The following PLD1 variants were observed in gnomAD, a reference collection of about 807,000 sequenced individuals.
PLD1 encodes the protein choline phosphatase 1.
A neutral mutation model predicts 137.1 loss-of-function variants in PLD1; 112 were observed. The ratio of observed to expected loss-of-function variants is 0.82; its 90% confidence interval spans 0.70 to 0.96. The LOEUF is 0.96. Among genes scored for constraint, PLD1 ranks in the 40% least tolerant of loss-of-function variants. PLD1 has a pLI of 0.00. For synonymous variants in PLD1, 431 were observed against 454.7 expected (o/e 0.95, Z 0.66); for missense variants, 1,321 against 1,342.0 (o/e 0.98, Z 0.24).
intron 23 of PLD1, among the ~76,000 whole-genome samples, chr3:171,639,850 A>C (rs71308517): frequency 0.085 from 8,453 of 99,086 alleles, 285 homozygotes; most frequent in Middle Eastern, 0.15. Flanking sequence ...CTCTCTCTCT[A>C]TATATATATA....
chr3:171,671,899 A>G (rs565212875), intron 19 of PLD1, among the ~76,000 whole-genome samples: 4 of 151,694 alleles, frequency 2.6e-5, no homozygotes, highest in East Asian at 3.9e-4. Flanking sequence ...TTCTTGCCCA[A>G]TCGAAAAAAA....
chr3:171,746,223 C>T (rs149112579), intron 1 of PLD1, among the ~76,000 whole-genome samples: 4 of 152,222 alleles, frequency 2.6e-5, no homozygotes, highest in African/African-American at 7.2e-5. Context: ...TGCTCCACAG[C>T]ACCTGGTACC....
At chr3:171,715,837 G>T (rs1578342548) in intron 8 of PLD1, among the ~76,000 whole-genome samples, 1 of 151,876 alleles carries the variant, frequency 6.6e-6, no homozygotes, top group African/African-American at 2.4e-5. Flanking sequence ...GTGTCACAGG[G>T]GTTTGGTGTA....
intron 9 of PLD1, among the ~76,000 whole-genome samples, chr3:171,713,375 C>T (rs1044350372): frequency 6.6e-6 from 1 of 152,108 alleles, no homozygotes; most frequent in African/African-American, 2.4e-5. Context: ...GTGGGAGAAT[C>T]GCTTGAACCT....
intron 1 of PLD1, among the ~76,000 whole-genome samples, chr3:171,807,499 C>G (rs951505205): frequency 1.3e-5 from 2 of 152,070 alleles, no homozygotes; most frequent in African/African-American, 4.8e-5. Flanking sequence ...TACATGTACA[C>G]TTAAAAATGG....
intron 20 of PLD1, 51 bp from the exon 21 acceptor site, chr3:171,659,352 A>G: frequency 8.8e-7 from 1 of 1,138,034 alleles, no homozygotes; most frequent in Non-Finnish European, 1.3e-6. Flanking sequence ...TCTTAGCAAT[A>G]TACGTAAGAA....
At chr3:171,668,407 C>T (rs543551416) in intron 19 of PLD1, among the ~76,000 whole-genome samples, 3 of 152,332 alleles carry the variant, frequency 2.0e-5, no homozygotes, top group South Asian at 4.1e-4. Flanking sequence ...GGATACAAAA[C>T]ATTTTGCTGT....
chr3:171,658,745 C>T (rs1354721552), intron 21 of PLD1, among the ~76,000 whole-genome samples: 1 of 151,764 alleles, frequency 6.6e-6, no homozygotes, highest in Non-Finnish European at 1.5e-5. Context: ...TGTGAATACA[C>T]TAAAAATCAC....
At chr3:171,638,284 C>T (rs557981738) in intron 23 of PLD1, among the ~76,000 whole-genome samples, 2 of 150,044 alleles carry the variant, frequency 1.3e-5, no homozygotes, top group South Asian at 4.3e-4. Flanking sequence ...AAGGTCTAAA[C>T]TATTACTGTA....
At chr3:171,790,092 T>A (rs1723157694) in intron 1 of PLD1, 1 of 152,240 alleles carries the variant, frequency 6.6e-6, no homozygotes, top group African/African-American at 2.4e-5. Context: ...AGGTATGTAA[T>A]CAGTTGATTT....
intron 25 of PLD1, among the ~76,000 whole-genome samples, chr3:171,609,070 G>T (rs1314842836): frequency 6.6e-6 from 1 of 151,920 alleles, no homozygotes. Flanking sequence ...ATTAAAAAGT[G>T]GGCAAAAGAC....
intron 1 of PLD1, among the ~76,000 whole-genome samples, chr3:171,801,412 G>A (rs1390972347): frequency 6.6e-6 from 1 of 152,150 alleles, no homozygotes; most frequent in Non-Finnish European, 1.5e-5. Flanking sequence ...ATGCGTTTCT[G>A]GCATGCCTTT....
At chr3:171,687,707 A>G in intron 14 of PLD1, 123 bp from the exon 15 acceptor site, 1 of 658,138 alleles carries the variant, frequency 1.5e-6, no homozygotes, top group Non-Finnish European at 2.6e-6. Context: ...CAGACATGCA[A>G]TAATGTCTGA....
At chr3:171,647,747 C>G (rs983727230) in intron 21 of PLD1, among the ~76,000 whole-genome samples, 1 of 152,124 alleles carries the variant, frequency 6.6e-6, no homozygotes, top group Non-Finnish European at 1.5e-5. Context: ...GCCCAGCCCC[C>G]ATTTTTAAGT....
Position 171,709,755 on chromosome 3 carries a change from T to C in PLD1, c.912-46A>G, listed in dbSNP as rs75728050. 9,185 of 1,515,872 alleles carry C rather than the reference T, an allele frequency of 6.1e-3. 527 individuals carry two copies. In the African/African-American group the frequency reaches 0.11, roughly 19 times the overall value. The allele number at this position is 1,515,872 out of a possible 1,614,324, so 93.9% of individuals were successfully genotyped here. A position where few individuals can be genotyped will look rare whatever the true frequency, so the allele number is the denominator to read the frequency against. On this transcript the variant is annotated intron_variant, in intron 9 of 26. Transcript: ENST00000351298. ...ATTGAAAAGACTGGTCACTCTGTTC[T>C]ATCTCATGCTCTTTTTTATTTGGTA...
At chr3:171,762,371 CA>C (rs1721460300) in intron 1 of PLD1, among the ~76,000 whole-genome samples, 1 of 152,194 alleles carries the variant, frequency 6.6e-6, no homozygotes, top group Non-Finnish European at 1.5e-5. Flanking sequence ...TAAATATCCA[CA>C]TGAAGTAAGA....
Position 171,777,828 on chromosome 3 carries a change from A to G in PLD1, c.-32+32571T>C, listed in dbSNP as rs572983080. On this transcript the variant is annotated intron_variant, in intron 1 of 26. Transcript: ENST00000351298. ...ACAAAATTGCTCAACAACTACAGCA[A>G]TCATCATCAGCAGCCGCAAATCCAT... is the stretch of plus-strand genomic sequence containing the variant. Among the ~76,000 whole-genome samples the G allele has an allele frequency of 4.9e-4, 74 of 152,342 alleles. 2 individuals carry two copies. The South Asian group carries it at 0.015, about 32-fold the overall frequency.
chr3:171,609,324 T>C (rs1044996961), intron 25 of PLD1, among the ~76,000 whole-genome samples: 1 of 152,140 alleles, frequency 6.6e-6, no homozygotes, highest in Admixed American at 6.6e-5. Flanking sequence ...TAGGAGACAG[T>C]ATGGACACTT....
At chr3:171,605,192 A>G in intron 26 of PLD1, 107 bp downstream of exon 26, 1 of 753,752 alleles carries the variant, frequency 1.3e-6, no homozygotes, top group Non-Finnish European at 2.4e-6. Context: ...TAGCTTTTTT[A>G]CGTTTATTAA....
Sources: allele counts gnomAD v4.1 joint callset (sites outside exome capture counted in the v4.1 genomes callset), GRCh38; gene constraint gnomAD v4.1.1; transcripts MANE v1.5; gene names NCBI Gene and HGNC (gene_info 2026-07-23, HGNC 2026-07-21).